The following CNNM4 variants were observed in gnomAD, a reference collection of about 807,000 sequenced individuals.
CNNM4 encodes metal transporter CNNM4.
A neutral mutation model predicts 53.7 loss-of-function variants in CNNM4; 32 were observed. The ratio of observed to expected loss-of-function variants is 0.60; its 90% CI spans 0.45 to 0.80. The LOEUF is 0.80. Among genes scored for constraint, CNNM4 ranks in the 30% least tolerant of loss-of-function variants. CNNM4 has a pLI of 0.00. For missense variants in CNNM4, 784 were observed against 1,022.0 expected, an observed-to-expected ratio of 0.77 and a Z score of 3.17; for synonymous variants, 410 against 440.0, an observed-to-expected ratio of 0.93 and a Z score of 0.85.
Position 96,797,392 on chromosome 2 carries a change from C to T in CNNM4, c.1547-121C>T. 1 of 1,496,190 alleles carries T rather than the reference C, an allele frequency of 6.7e-7. No homozygotes were observed. The allele number at this position is 1,496,190 out of a possible 1,614,324, so 92.7% of individuals were successfully genotyped here. A position where few individuals can be genotyped will look rare whatever the true frequency, so the allele number is the denominator to read the frequency against. On this transcript the variant is annotated intron_variant, in intron 2 of 6. Coordinates refer to ENST00000377075, the MANE Select transcript of CNNM4 (RefSeq NM_020184.4). The surrounding 1 kb of genome is among the most constrained non-coding windows in gnomAD (Gnocchi z 6.0). ...GGCGTCAGCCCAGGACCCTGCCAGC[C>T]AGAGCCTGCTGCTCCTGCGTGGGAC...
At chr2:96,809,222 C>T (rs779919025) in intron 6 of CNNM4, 98 bp from the exon 7 acceptor site, 1 of 1,566,984 alleles carries the variant, frequency 6.4e-7, no homozygotes, top group South Asian at 1.2e-5. Flanking sequence ...TGTTCTCTCT[C>T]AACTCACAGC....
chr2:96,786,573 G>A (rs566709004), intron 1 of CNNM4, among the ~76,000 whole-genome samples: 8 of 151,912 alleles, frequency 5.3e-5, no homozygotes, highest in Non-Finnish European at 5.9e-5. Context: ...GAGGTCAGGA[G>A]TTCCAGACCA....
At chr2:96,776,582 A>G (rs527384965) in intron 1 of CNNM4, among the ~76,000 whole-genome samples, 29 of 152,116 alleles carry the variant, frequency 1.9e-4, no homozygotes, top group Non-Finnish European at 3.1e-4. Flanking sequence ...TTCTAAGTGT[A>G]TATTTGTACC....
At chr2:96,784,621 C>T (rs1245556877) in intron 1 of CNNM4, among the ~76,000 whole-genome samples, 1 of 152,222 alleles carries the variant, frequency 6.6e-6, no homozygotes, top group African/African-American at 2.4e-5. Flanking sequence ...ATAGCTTCAC[C>T]CACTATGGGC....
At chr2:96,770,622 G>A (rs930076367) in intron 1 of CNNM4, among the ~76,000 whole-genome samples, 7 of 152,118 alleles carry the variant, frequency 4.6e-5, no homozygotes, top group East Asian at 1.9e-4. Flanking sequence ...TTTTCTAGAC[G>A]GACTTGGCGG....
intron 5 of CNNM4, among the ~76,000 whole-genome samples, chr2:96,799,850 A>G (rs752067717): frequency 2.6e-5 from 4 of 152,168 alleles, no homozygotes; most frequent in Non-Finnish European, 5.9e-5. Context: ...GATGGGGTCC[A>G]GAAGCTGGAG....
chr2:96,797,632 C>T lies in CNNM4; in HGVS notation c.1666C>T (p.Arg556Cys), dbSNP rs767254813. The stretch of plus-strand genomic sequence containing the variant: ...CCCGCAGCTCCTCCTGGCCGCTCAT[C>T]GCTTCCTAGCCACAGGTAGCATGAG... ...ISPQLLLAAH[R>C]FLATEVSQFS... Residue 556 changes from arginine to cysteine, a missense_variant, in exon 3 of 7, where the codon CGC (arginine) becomes TGC (cysteine). By Grantham distance (180) the Arg-to-Cys change is radical (BLOSUM62 -3). Transcript: ENST00000377075. This position sits in a 1 kb window ranked among gnomAD's most constrained non-coding sequence, Gnocchi z 6.0. 4.3e-6 allele frequency: 7 copies of T among 1,614,082 alleles called. No individual in the cohort carries two copies. Among genetic ancestry groups the T allele is most frequent in the South Asian group, 2.2e-5 (2 of 91,080 alleles).
At chr2:96,762,510 C>T (rs1445067181) in intron 1 of CNNM4, 109 bp downstream of exon 1, 1 of 1,072,430 alleles carries the variant, frequency 9.3e-7, no homozygotes, top group East Asian at 2.5e-5. Flanking sequence ...ACTCTGTGTC[C>T]CTTTGCCTAT....
In CNNM4 at chr2:96,810,167, A is replaced by G. The variant is rs776449781; in HGVS notation, c.*650A>G. ...CTCCTGGGTAGCTGTGATCAGGGAC[A>G]TGATAATCTGAGCTATGCAGAGGAG... On this transcript the variant is annotated 3_prime_UTR_variant, in exon 7 of 7. Coordinates refer to ENST00000377075, the MANE Select transcript of CNNM4 (RefSeq NM_020184.4). The surrounding 1 kb of genome is among the most constrained non-coding windows in gnomAD (Gnocchi z 4.1). 1.3e-5 allele frequency: 2 copies of G among 152,866 alleles called. No individual in the cohort carries two copies. Among genetic ancestry groups the G allele is most frequent in the East Asian group, 1.9e-4 (1 of 5,186 alleles). The allele number at this position is 152,866 out of a possible 1,614,324, so 9.5% of individuals were successfully genotyped here. A position where few individuals can be genotyped will look rare whatever the true frequency, so the allele number is the denominator to read the frequency against.
rs2079236205 is a variant in CNNM4, at chr2:96,809,302, C to T, written c.2131-18C>T. 3 of 1,613,850 alleles carry T rather than the reference C, an allele frequency of 1.9e-6. No homozygotes were observed. The African/African-American group carries it at 4.0e-5, about 22-fold the overall frequency. The stretch of plus-strand genomic sequence containing the variant: ...CTCCCAGCCCCTCCCTCCATGAACT[C>T]ATCCCTTCCTCATGCAGATCACTCG... On this transcript the variant is annotated intron_variant, in intron 6 of 6. Transcript: ENST00000377075.
At chr2:96,777,553 T>C (rs2078936621) in intron 1 of CNNM4, among the ~76,000 whole-genome samples, 2 of 152,018 alleles carry the variant, frequency 1.3e-5, no homozygotes, top group African/African-American at 2.4e-5. Flanking sequence ...CAGTCTGGAG[T>C]GTAGTGGCAC....
At chr2:96,789,069 A>G (rs2079038577) in intron 1 of CNNM4, among the ~76,000 whole-genome samples, 1 of 152,150 alleles carries the variant, frequency 6.6e-6, no homozygotes, top group African/African-American at 2.4e-5. Context: ...TTCTGTATCC[A>G]GCAGGGGTGT....
chr2:96,789,509 T>A (rs2153347754), intron 1 of CNNM4, among the ~76,000 whole-genome samples: 1 of 151,928 alleles, frequency 6.6e-6, no homozygotes, highest in East Asian at 1.9e-4. Flanking sequence ...TGGACAGAGG[T>A]CGCTGGAGGG....
At position 96,772,967 on chromosome 2, in the gene CNNM4, GCA is replaced by G. The variant is rs1051167493; in HGVS notation, c.1402+10578_1402+10579del. Among the ~76,000 whole-genome samples the G allele has an allele frequency of 4.7e-5, 7 of 148,180 alleles. No homozygotes were observed. In the South Asian group the frequency reaches 6.5e-4, roughly 14 times the overall value. Reference sequence around the variant, plus strand: ...CACAGGCAGGTGCTCTCACACACTTGCACACACACACACTCCTACCTCCCAGA... The same window carrying G: ...CACAGGCAGGTGCTCTCACACACTTGCACACACACACTCCTACCTCCCAGA... On this transcript the variant is annotated intron_variant, in intron 1 of 6. Transcript: ENST00000377075.
At chr2:96,806,533 ACACGCGCGCG>A (rs913271624) in intron 5 of CNNM4, among the ~76,000 whole-genome samples, 15 of 138,606 alleles carry the variant, frequency 1.1e-4, no homozygotes, top group African/African-American at 2.4e-4. Flanking sequence ...ACACACACAC[ACACGCGCGCG>A]CGCGCGCGCG....
chr2:96,777,169 C>T (rs62152768), intron 1 of CNNM4, among the ~76,000 whole-genome samples: 13,242 of 151,692 alleles, frequency 0.087, 643 homozygotes, highest in Middle Eastern at 0.16. Flanking sequence ...TACAGGAGCG[C>T]GCCACCACAC....
At chr2:96,771,142 C>T (rs1196119953) in intron 1 of CNNM4, among the ~76,000 whole-genome samples, 1 of 152,150 alleles carries the variant, frequency 6.6e-6, no homozygotes, top group African/African-American at 2.4e-5. Context: ...TCTGCTGCCA[C>T]GCCTGCCCTG....
chr2:96,787,057 A>AT (rs746269448), intron 1 of CNNM4, among the ~76,000 whole-genome samples: 4 of 152,238 alleles, frequency 2.6e-5, no homozygotes, highest in Non-Finnish European at 5.9e-5. Context: ...AGATAAATTC[A>AT]TGTCTGAGTC....
intron 5 of CNNM4, among the ~76,000 whole-genome samples, chr2:96,805,197 TTGATCCTCTAA>T (rs2079190734): frequency 6.6e-6 from 1 of 152,000 alleles, no homozygotes; most frequent in African/African-American, 2.4e-5. Context: ...ATACTTGCAC[TTGATCCTCTAA>T]TGATCCTCTA....
Sources: allele counts gnomAD v4.1 joint callset (sites outside exome capture counted in the v4.1 genomes callset), GRCh38; gene constraint gnomAD v4.1.1; non-coding constraint Gnocchi (gnomAD v3.1); transcripts MANE v1.5; gene names NCBI Gene and HGNC (gene_info 2026-07-23, HGNC 2026-07-21).